QTMAN: variants seen among roughly 807,000 people sequenced by gnomAD.
The protein encoded by QTMAN is queuosine-tRNA mannosyltransferase.
the QTMAN span, among the ~76,000 whole-genome samples, chr2:144,214,646 A>AC: frequency 3.9e-5 from 6 of 152,028 alleles, no homozygotes; most frequent in African/African-American, 1.5e-4. Context: ...AATAATGTAT[A>AC]CCCCCCTCAA....
At chr2:144,007,247 G>A in the QTMAN span, 1 of 1,612,750 alleles carries the variant, frequency 6.2e-7, no homozygotes, top group Non-Finnish European at 8.5e-7. Flanking sequence ...AAATGTCACA[G>A]GGATCAACAG....
the QTMAN span, among the ~76,000 whole-genome samples, chr2:144,332,008 C>T: frequency 6.4e-4 from 97 of 152,332 alleles, no homozygotes; most frequent in African/African-American, 2.2e-3. Flanking sequence ...CCAACCCGGA[C>T]GCCCGGCCTC....
chr2:144,231,556 GTCTATAAAT>G, the QTMAN span, among the ~76,000 whole-genome samples: 3 of 151,932 alleles, frequency 2.0e-5, no homozygotes, highest in South Asian at 6.2e-4. Context: ...ACAATTTATT[GTCTATAAAT>G]TCTATTCTAC....
At chr2:143,966,940 T>C in the QTMAN span, among the ~76,000 whole-genome samples, 1 of 152,246 alleles carries the variant, frequency 6.6e-6, no homozygotes, top group South Asian at 2.1e-4. Flanking sequence ...CCAAGAGTTC[T>C]GTAGAGAGGG....
chr2:144,015,697 C>A, the QTMAN span, among the ~76,000 whole-genome samples: 3 of 152,158 alleles, frequency 2.0e-5, no homozygotes, highest in Admixed American at 1.3e-4. Flanking sequence ...CCACAGTAAG[C>A]CTGTGAAGAA....
At chr2:144,045,166 T>C in the QTMAN span, among the ~76,000 whole-genome samples, 3 of 152,152 alleles carry the variant, frequency 2.0e-5, no homozygotes, top group Non-Finnish European at 4.4e-5. Context: ...TAGGGAAAAA[T>C]GGACTTATTT....
At chr2:144,256,628 C>A in the QTMAN span, among the ~76,000 whole-genome samples, 6 of 152,162 alleles carry the variant, frequency 3.9e-5, no homozygotes, top group African/African-American at 1.4e-4. Flanking sequence ...CATGTTCTCA[C>A]TCATTAGTGG....
the QTMAN span, among the ~76,000 whole-genome samples, chr2:144,101,396 A>T: frequency 3.3e-3 from 376 of 115,464 alleles, 3 homozygotes; most frequent in African/African-American, 0.012. Flanking sequence ...TCTCTCTCTC[A>T]CACACACACA....
At chr2:144,200,872 G>A in the QTMAN span, among the ~76,000 whole-genome samples, 2 of 152,298 alleles carry the variant, frequency 1.3e-5, no homozygotes, top group East Asian at 3.9e-4. Context: ...TAGAAGAGAT[G>A]ATATCTTTAG....
At chr2:143,958,799 T>A in the QTMAN span, among the ~76,000 whole-genome samples, 3 of 150,484 alleles carry the variant, frequency 2.0e-5, no homozygotes, top group Non-Finnish European at 3.0e-5. Context: ...TTTTTTTTTT[T>A]TTTTACGTTT....
chr2:144,254,754 G>A, the QTMAN span, among the ~76,000 whole-genome samples: 1 of 152,228 alleles, frequency 6.6e-6, no homozygotes, highest in Non-Finnish European at 1.5e-5. Flanking sequence ...AAGCAGTCGG[G>A]AGGGAAGCTG....
chr2:144,185,738 G>A, the QTMAN span, among the ~76,000 whole-genome samples: 1 of 152,146 alleles, frequency 6.6e-6, no homozygotes. Context: ...GCAATTGGAT[G>A]TACAGCCACT....
the QTMAN span, among the ~76,000 whole-genome samples, chr2:144,161,069 A>C: frequency 6.6e-6 from 1 of 152,170 alleles, no homozygotes; most frequent in Non-Finnish European, 1.5e-5. Context: ...GTATGGCACG[A>C]AAGAAAAGGT....
the QTMAN span, among the ~76,000 whole-genome samples, chr2:144,218,226 C>T: frequency 3.9e-5 from 6 of 152,260 alleles, 1 homozygote; most frequent in South Asian, 1.2e-3. Context: ...GATTGTATTA[C>T]CATGTAAATA....
the QTMAN span, among the ~76,000 whole-genome samples, chr2:144,225,441 T>C: frequency 2.0e-5 from 3 of 152,198 alleles, no homozygotes; most frequent in Non-Finnish European, 4.4e-5. Context: ...CAAAAACCTA[T>C]ACTTTTTCTA....
chr2:143,997,979 C>G, the QTMAN span, among the ~76,000 whole-genome samples: 4 of 151,942 alleles, frequency 2.6e-5, no homozygotes, highest in Non-Finnish European at 5.9e-5. Context: ...AGCAGGTATG[C>G]GGTATATCAA....
the QTMAN span, among the ~76,000 whole-genome samples, chr2:144,013,467 A>G: frequency 3.9e-5 from 6 of 152,192 alleles, no homozygotes; most frequent in Admixed American, 3.9e-4. Context: ...AAAAAGAATG[A>G]GAAATACATT....
the QTMAN span, among the ~76,000 whole-genome samples, chr2:144,028,445 T>C: frequency 6.6e-6 from 1 of 152,160 alleles, no homozygotes; most frequent in Non-Finnish European, 1.5e-5. Context: ...ATTGGAAAAA[T>C]ATTTCTGCTA....
At chr2:144,071,998 C>A in the QTMAN span, among the ~76,000 whole-genome samples, 1 of 152,162 alleles carries the variant, frequency 6.6e-6, no homozygotes, top group Non-Finnish European at 1.5e-5. Flanking sequence ...CATTCTAAAC[C>A]TAGCCCCAGA....
Sources: allele counts gnomAD v4.1 joint callset (sites outside exome capture counted in the v4.1 genomes callset), GRCh38; gene constraint gnomAD v4.1.1; transcripts MANE v1.5; gene names NCBI Gene and HGNC (gene_info 2026-07-23, HGNC 2026-07-21).